Variants in ANKRD11 observed in about 807,000 individuals in gnomAD.
ANKRD11 encodes the protein ankyrin repeat domain-containing protein 11.
In ANKRD11, 17 loss-of-function variants were observed where a neutral mutation model predicts 195.7. The observed-to-expected ratio is 0.09, with a 90% CI of 0.06 to 0.13. ANKRD11 has a LOEUF of 0.13. Ranked by LOEUF, ANKRD11 falls within the 10% of genes least tolerant of loss-of-function variation. The pLI is 1.00. For synonymous variants in ANKRD11, 1,953 were observed against 1,528.1 expected (o/e 1.28, Z -6.49); for missense variants, 3,735 against 3,566.1 (o/e 1.05, Z -1.21).
At chr16:89,427,676 G>C (rs1020266574) in intron 1 of ANKRD11, among the ~76,000 whole-genome samples, 1 of 151,954 alleles carries the variant, frequency 6.6e-6, no homozygotes, top group Non-Finnish European at 1.5e-5. Flanking sequence ...GCACATGCCT[G>C]TAATCCCAGC....
intron 2 of ANKRD11, among the ~76,000 whole-genome samples, chr16:89,342,349 T>C (rs1337873009): frequency 1.3e-5 from 2 of 152,242 alleles, no homozygotes; most frequent in African/African-American, 4.8e-5. Flanking sequence ...CCATTTCACC[T>C]GAGAGTCGGA....
chr16:89,355,994 T>C (rs1199896265), intron 2 of ANKRD11, among the ~76,000 whole-genome samples: 1 of 152,176 alleles, frequency 6.6e-6, no homozygotes, highest in African/African-American at 2.4e-5. Context: ...GAGGATCACA[T>C]GAGCCCCGCC....
intron 1 of ANKRD11, among the ~76,000 whole-genome samples, chr16:89,469,636 C>T (rs1597505311): frequency 1.3e-5 from 2 of 151,660 alleles, no homozygotes; most frequent in South Asian, 2.1e-4. Flanking sequence ...CGGTGGCTCA[C>T]ACCTGTAATT....
intron 2 of ANKRD11, among the ~76,000 whole-genome samples, chr16:89,359,755 A>T (rs2039649528): frequency 6.6e-6 from 1 of 152,206 alleles, no homozygotes. Context: ...AGCCAGCAGA[A>T]GATGTTTGCA....
At chr16:89,269,540 T>C (rs564534144) in intron 12 of ANKRD11, among the ~76,000 whole-genome samples, 1 of 151,734 alleles carries the variant, frequency 6.6e-6, no homozygotes, top group South Asian at 2.1e-4. Context: ...TGTTCCAAAC[T>C]CCGGTGAGTC....
chr16:89,330,499 C>T (rs182502562), intron 2 of ANKRD11, among the ~76,000 whole-genome samples: 3 of 151,918 alleles, frequency 2.0e-5, no homozygotes, highest in African/African-American at 7.3e-5. Context: ...CGTGGGGCTA[C>T]GTGAGGGTCC....
intron 1 of ANKRD11, among the ~76,000 whole-genome samples, chr16:89,432,270 C>G (rs1442648374): frequency 1.3e-5 from 2 of 151,346 alleles, no homozygotes; most frequent in Non-Finnish European, 2.9e-5. Context: ...CACACACACA[C>G]ACACACACCC....
chr16:89,456,240 A>C (rs538181557), intron 1 of ANKRD11, among the ~76,000 whole-genome samples: 331 of 146,160 alleles, frequency 2.3e-3, no homozygotes, highest in Middle Eastern at 6.9e-3. Flanking sequence ...ATTCGGTCCC[A>C]AAAAAAAAAG....
intron 1 of ANKRD11, among the ~76,000 whole-genome samples, chr16:89,449,085 T>C (rs907820123): frequency 5.3e-5 from 8 of 151,080 alleles, no homozygotes; most frequent in African/African-American, 2.0e-4. Context: ...GTGTGGTGGC[T>C]CACACCTGTA....
intron 2 of ANKRD11, among the ~76,000 whole-genome samples, chr16:89,374,646 G>A (rs2040341445): frequency 6.6e-6 from 1 of 152,186 alleles, no homozygotes; most frequent in Non-Finnish European, 1.5e-5. Flanking sequence ...TCTCCCGCGT[G>A]CTACGATCAG....
At chr16:89,278,967 C>A in intron 9 of ANKRD11, 105 bp downstream of exon 9, 1 of 1,526,832 alleles carries the variant, frequency 6.5e-7, no homozygotes, top group South Asian at 1.2e-5. Flanking sequence ...CGAGAGAGGT[C>A]AAGGGCCATG....
At chr16:89,408,751 G>A (rs1002213508) in intron 2 of ANKRD11, among the ~76,000 whole-genome samples, 1 of 152,102 alleles carries the variant, frequency 6.6e-6, no homozygotes, top group African/African-American at 2.4e-5. Context: ...CTGATCAGCC[G>A]TGGAATCCTG....
At chr16:89,366,332 T>C (rs1382732911) in intron 2 of ANKRD11, among the ~76,000 whole-genome samples, 2 of 152,192 alleles carry the variant, frequency 1.3e-5, no homozygotes, top group Non-Finnish European at 2.9e-5. Context: ...TCTATTCCTC[T>C]GGGTATATAC....
intron 2 of ANKRD11, among the ~76,000 whole-genome samples, chr16:89,321,948 G>A (rs374935361): frequency 7.9e-5 from 12 of 152,328 alleles, no homozygotes; most frequent in Admixed American, 2.6e-4. Flanking sequence ...TGCTGCGCGA[G>A]GCTTAAGTCT....
At chr16:89,373,594 G>C (rs766912236) in intron 2 of ANKRD11, 1 of 152,248 alleles carries the variant, frequency 6.6e-6, no homozygotes, top group Admixed American at 6.5e-5. Flanking sequence ...GAAAACATCG[G>C]CATGTGACTG....
intron 4 of ANKRD11, among the ~76,000 whole-genome samples, chr16:89,303,167 G>A (rs572165030): frequency 1.9e-4 from 29 of 152,342 alleles, no homozygotes; most frequent in Admixed American, 3.9e-4. Flanking sequence ...GCAGATGCTT[G>A]TCTCATTAAC....
chr16:89,317,234 G>C (rs939082476), intron 2 of ANKRD11, among the ~76,000 whole-genome samples, 156 bp from the exon 3 acceptor site: 4 of 152,224 alleles, frequency 2.6e-5, no homozygotes, highest in Non-Finnish European at 4.4e-5. Context: ...GGACTTCTCA[G>C]GATACGCCTC....
intron 1 of ANKRD11, among the ~76,000 whole-genome samples, chr16:89,424,009 G>A (rs1004438285): frequency 2.6e-5 from 4 of 152,174 alleles, no homozygotes; most frequent in South Asian, 2.1e-4. Context: ...AAACTCAGGC[G>A]ACCTCCGGGA....
intron 4 of ANKRD11, among the ~76,000 whole-genome samples, chr16:89,294,398 A>G (rs528084135): frequency 2.0e-5 from 3 of 152,190 alleles, no homozygotes; most frequent in Non-Finnish European, 2.9e-5. Flanking sequence ...TGACACCAAA[A>G]AAGTCCAATA....
Sources: allele counts gnomAD v4.1 joint callset (sites outside exome capture counted in the v4.1 genomes callset), GRCh38; gene constraint gnomAD v4.1.1; transcripts MANE v1.5; gene names NCBI Gene and HGNC (gene_info 2026-07-23, HGNC 2026-07-21).